TBCK: variants seen among roughly 807,000 people sequenced by gnomAD.
TBCK encodes the protein TBC1 domain containing kinase, also known as TBC domain-containing protein kinase-like protein.
Under a neutral mutation model 113.4 loss-of-function variants are expected in TBCK, and 99 were observed. That is an observed-to-expected ratio of 0.87 (90% CI 0.74 to 1.03). TBCK has a LOEUF of 1.03. TBCK is among the 50% of genes least tolerant of loss of function. The pLI, the probability that TBCK is intolerant of heterozygous loss-of-function variation, is 0.00. For synonymous variants in TBCK, 369 were observed against 370.8 expected (o/e 1.00, Z 0.05); for missense variants, 1,045 against 1,061.3 (o/e 0.98, Z 0.21).
intron 3 of TBCK, among the ~76,000 whole-genome samples, chr4:106,280,518 T>C (rs1764479084): frequency 6.6e-6 from 1 of 152,084 alleles, no homozygotes; most frequent in South Asian, 2.1e-4. Context: ...GATGTCCTAG[T>C]AGAGAGTTTT....
chr4:106,057,834 G>C (rs529799600), intron 25 of TBCK, among the ~76,000 whole-genome samples: 1 of 151,734 alleles, frequency 6.6e-6, no homozygotes, highest in South Asian at 2.1e-4. Flanking sequence ...TTAATCATTT[G>C]TATACATGTC....
At chr4:106,214,383 G>C (rs1373730331) in intron 19 of TBCK, among the ~76,000 whole-genome samples, 1 of 152,186 alleles carries the variant, frequency 6.6e-6, no homozygotes, top group Non-Finnish European at 1.5e-5. Flanking sequence ...ACTTTGACGA[G>C]CTGAGAGAAG....
chr4:106,314,770 G>A (rs1768588656), intron 1 of TBCK, among the ~76,000 whole-genome samples: 1 of 151,406 alleles, frequency 6.6e-6, no homozygotes, highest in Non-Finnish European at 1.5e-5. Flanking sequence ...GATTACAGGC[G>A]CCCGCCACCA....
At chr4:106,092,645 T>C (rs1578870083) in intron 25 of TBCK, among the ~76,000 whole-genome samples, 1 of 152,138 alleles carries the variant, frequency 6.6e-6, no homozygotes. Flanking sequence ...CTGGCCTGAG[T>C]GCTAAGCCCC....
intron 3 of TBCK, among the ~76,000 whole-genome samples, chr4:106,282,268 T>C (rs1458349873): frequency 1.3e-5 from 2 of 152,100 alleles, no homozygotes; most frequent in African/African-American, 2.4e-5. Context: ...TTCTCATCTC[T>C]GATTTTATTA....
chr4:106,069,338 G>T (rs1265465497), intron 25 of TBCK, among the ~76,000 whole-genome samples: 1 of 152,182 alleles, frequency 6.6e-6, no homozygotes, highest in South Asian at 2.1e-4. Context: ...GTAAGGAAGG[G>T]ATCCAGTTTA....
At chr4:106,237,900 G>C (rs977435859) in intron 12 of TBCK, among the ~76,000 whole-genome samples, 1 of 152,082 alleles carries the variant, frequency 6.6e-6, no homozygotes, top group Middle Eastern at 3.4e-3. Flanking sequence ...TAAGTATCTT[G>C]TCTGTCTTTT....
chr4:106,292,179 C>T (rs1305870076), intron 3 of TBCK, among the ~76,000 whole-genome samples: 1 of 152,130 alleles, frequency 6.6e-6, no homozygotes, highest in African/African-American at 2.4e-5. Flanking sequence ...TGAGTCTATG[C>T]ACTGTGCCAT....
intron 25 of TBCK, among the ~76,000 whole-genome samples, chr4:106,048,070 C>G (rs944425631): frequency 3.3e-5 from 5 of 152,104 alleles, no homozygotes; most frequent in African/African-American, 1.2e-4. Flanking sequence ...AGGACAAGTT[C>G]AAGGCCTCAC....
rs1004705087 is a variant in TBCK, at chr4:106,044,652, T to C, written c.*1918A>G. On this transcript the variant is annotated 3_prime_UTR_variant, in exon 26 of 26. Coordinates refer to ENST00000394708, the MANE Select transcript of TBCK (RefSeq NM_001163435.3). ...ATTTATCAAAGACCTTAGGAGGGGT[T>C]AATGTGGAATACCTGCTGATCAGGT... The C allele has an allele frequency of 6.6e-6, 1 of 152,214 alleles. No individual in the cohort carries two copies. Among genetic ancestry groups the C allele is most frequent in the Non-Finnish European group, 1.5e-5 (1 of 68,036 alleles). The allele number at this position is 152,214 out of a possible 1,614,324, so 9.4% of individuals were successfully genotyped here. A position where few individuals can be genotyped will look rare whatever the true frequency, so the allele number is the denominator to read the frequency against.
intron 25 of TBCK, among the ~76,000 whole-genome samples, chr4:106,088,749 T>C (rs1301743590): frequency 6.6e-6 from 1 of 152,106 alleles, no homozygotes; most frequent in Admixed American, 6.5e-5. Context: ...TATGAAGCCA[T>C]AAAAAGGAAT....
intron 25 of TBCK, among the ~76,000 whole-genome samples, chr4:106,068,855 G>A (rs1736994677): frequency 6.6e-6 from 1 of 152,128 alleles, no homozygotes; most frequent in Non-Finnish European, 1.5e-5. Flanking sequence ...GTGTGAGATG[G>A]TATCTCATTG....
At chr4:106,167,930 G>A (rs1750577518) in intron 23 of TBCK, among the ~76,000 whole-genome samples, 1 of 151,760 alleles carries the variant, frequency 6.6e-6, no homozygotes, top group Non-Finnish European at 1.5e-5. Flanking sequence ...AAAGACTGAA[G>A]GAAGAAATTA....
At chr4:106,246,124 T>C (rs1302687939) in intron 10 of TBCK, among the ~76,000 whole-genome samples, 1 of 152,182 alleles carries the variant, frequency 6.6e-6, no homozygotes, top group East Asian at 1.9e-4. Context: ...TTCCTTGATG[T>C]CCCAGACAGA....
At chr4:106,308,225 T>C (rs1463842218) in intron 2 of TBCK, among the ~76,000 whole-genome samples, 1 of 152,210 alleles carries the variant, frequency 6.6e-6, no homozygotes, top group Non-Finnish European at 1.5e-5. Context: ...AAACACTTAT[T>C]GAGTGCTCTG....
At chr4:106,072,673 T>A (rs1395247796) in intron 25 of TBCK, among the ~76,000 whole-genome samples, 3 of 152,242 alleles carry the variant, frequency 2.0e-5, no homozygotes, top group African/African-American at 4.8e-5. Context: ...TTCTCCTGGA[T>A]AATAGCCTGA....
At chr4:106,260,887 T>G (rs1015427884) in intron 4 of TBCK, among the ~76,000 whole-genome samples, 16 of 151,914 alleles carry the variant, frequency 1.1e-4, no homozygotes, top group African/African-American at 3.9e-4. Flanking sequence ...ACAGAGCAAA[T>G]TTTTTTCCAT....
At chr4:106,292,902 G>T (rs1579537395) in intron 3 of TBCK, among the ~76,000 whole-genome samples, 1 of 152,196 alleles carries the variant, frequency 6.6e-6, no homozygotes, top group African/African-American at 2.4e-5. Flanking sequence ...TGCATTCAAA[G>T]CCAAACTGGA....
chr4:106,298,543 G>C (rs1357521325), intron 2 of TBCK, among the ~76,000 whole-genome samples: 1 of 152,042 alleles, frequency 6.6e-6, no homozygotes, highest in East Asian at 1.9e-4. Flanking sequence ...CCGGGAGGCA[G>C]AGCTTGTAGT....
Sources: gnomAD v4.1 joint callset for allele counts (sites outside exome capture counted in the v4.1 genomes callset) on GRCh38, gnomAD v4.1.1 for gene constraint, MANE v1.5 for transcripts, NCBI Gene and HGNC (gene_info 2026-07-23, HGNC 2026-07-21) for gene names.